The following NBN variants were observed in gnomAD, a reference collection of about 807,000 sequenced individuals.
The protein encoded by NBN is Nijmegen breakage syndrome 1 (nibrin).
In NBN, 88 loss-of-function variants were observed where a neutral mutation model predicts 90.8. That is an observed-to-expected ratio of 0.97 (90% CI 0.82 to 1.16). The LOEUF (loss-of-function observed/expected upper bound fraction) is 1.16, where lower values mean the gene tolerates loss of function less well. NBN is among the 50% of genes most tolerant of loss of function. The probability of loss-of-function intolerance (pLI) is 0.00; values close to 1 mark genes in which losing one functional copy is unlikely to be tolerated. For synonymous variants in NBN, 328 were observed against 295.1 expected (o/e 1.11, Z -1.14); for missense variants, 894 against 869.6 (o/e 1.03, Z -0.35).
intron 1 of NBN, among the ~76,000 whole-genome samples, chr8:89,983,132 T>C (rs1031240589): frequency 7.9e-5 from 12 of 152,056 alleles, no homozygotes; most frequent in Non-Finnish European, 1.8e-4. Context: ...AAAAAGGTTA[T>C]CTAAACAGAT....
At chr8:89,963,158 C>T (rs1345919158) in intron 8 of NBN, among the ~76,000 whole-genome samples, 1 of 151,432 alleles carries the variant, frequency 6.6e-6, no homozygotes, top group African/African-American at 2.4e-5. Flanking sequence ...TAACGATCTA[C>T]ATACCTAATA....
At chr8:89,968,560 T>A (rs994526518) in intron 7 of NBN, among the ~76,000 whole-genome samples, 2 of 152,178 alleles carry the variant, frequency 1.3e-5, no homozygotes, top group Non-Finnish European at 2.9e-5. Flanking sequence ...TATACATACA[T>A]AAATTCTTAG....
intron 12 of NBN, 45 bp from the exon 13 acceptor site, chr8:89,946,340 CAAAG>C (rs1563513862): frequency 4.7e-6 from 7 of 1,498,700 alleles, no homozygotes; most frequent in Non-Finnish European, 6.5e-6. Context: ...GAAGAAATAA[CAAAG>C]AAAAGTCACT....
intron 12 of NBN, 29 bp downstream of exon 12, chr8:89,947,795 T>C (rs1810262630): frequency 2.9e-6 from 4 of 1,360,618 alleles, no homozygotes; most frequent in South Asian, 1.2e-5. Flanking sequence ...AAGCCAAATC[T>C]GTATAAAAAT....
At chr8:89,937,666 C>T (rs552199247) in intron 14 of NBN, among the ~76,000 whole-genome samples, 5 of 152,326 alleles carry the variant, frequency 3.3e-5, no homozygotes, top group East Asian at 3.9e-4. Context: ...TGAAACCCTT[C>T]GTGACTTCTC....
intron 1 of NBN, 60 bp from the exon 2 acceptor site, chr8:89,982,915 A>G: frequency 6.7e-7 from 1 of 1,495,472 alleles, no homozygotes; most frequent in Non-Finnish European, 9.3e-7. Context: ...ATGTACACGA[A>G]CACACACATA....
At chr8:89,972,668 T>C (rs1196636079) in intron 5 of NBN, among the ~76,000 whole-genome samples, 2 of 152,242 alleles carry the variant, frequency 1.3e-5, no homozygotes, top group African/African-American at 2.4e-5. Flanking sequence ...CCATAACTTA[T>C]ACTTCTTTCT....
chr8:89,959,701 C>CA (rs1810903559), intron 8 of NBN, among the ~76,000 whole-genome samples: 1 of 152,202 alleles, frequency 6.6e-6, no homozygotes, highest in Non-Finnish European at 1.5e-5. Flanking sequence ...CTGCAGTGAG[C>CA]AGTGATTGTG....
intron 11 of NBN, among the ~76,000 whole-genome samples, chr8:89,950,991 CAGTAG>C (rs1262822189): frequency 2.6e-5 from 4 of 151,810 alleles, no homozygotes; most frequent in African/African-American, 9.7e-5. Context: ...GCCACCATAG[CAGTAG>C]ACTAATCTGG....
chr8:89,955,284 T>G lies in NBN; in HGVS notation c.1396A>C (p.Arg466=). The change falls in exon 10 of 16, where the codon AGG becomes CGG. Residue 466 remains arginine, a splice_region_variant and synonymous_variant. Coordinates refer to ENST00000265433, the MANE Select transcript of NBN (RefSeq NM_002485.5). ...RNYFQPSTKK[R]ERDEENQEMS... is the part of the protein sequence containing the mutation. ...TGAGAGAAGTTATCAAAAACAGACC[T>G]TTTTTTGGTAGACGGCTGAAAGTAG... The G allele has an allele frequency of 6.2e-7, 1 of 1,611,508 alleles. No homozygotes were observed. The highest frequency in any genetic ancestry group is 8.5e-7 in the Non-Finnish European group (1 of 1,178,028).
At chr8:89,943,767 T>TC (rs1188353307) in intron 13 of NBN, among the ~76,000 whole-genome samples, 1 of 152,094 alleles carries the variant, frequency 6.6e-6, no homozygotes, top group Non-Finnish European at 1.5e-5. Context: ...AAAATTTAAA[T>TC]CTTTTTCAAA....
At chr8:89,976,582 A>G (rs904885009) in intron 5 of NBN, among the ~76,000 whole-genome samples, 7 of 152,160 alleles carry the variant, frequency 4.6e-5, no homozygotes, top group Non-Finnish European at 8.8e-5. Flanking sequence ...TCTATACTGA[A>G]TAAATGACCA....
intron 11 of NBN, among the ~76,000 whole-genome samples, chr8:89,948,965 C>T (rs1257115885): frequency 6.6e-6 from 1 of 152,182 alleles, no homozygotes; most frequent in Admixed American, 6.5e-5. Context: ...CCTAGATACT[C>T]AGAATATAAG....
chr8:89,938,689 C>T (rs56172146), intron 14 of NBN, among the ~76,000 whole-genome samples: 1 of 152,156 alleles, frequency 6.6e-6, no homozygotes, highest in African/African-American at 2.4e-5. Flanking sequence ...TTCTGAATCT[C>T]TAGAGCAAGC....
At position 89,934,454 on chromosome 8, in the gene NBN, C is replaced by G; in HGVS notation, c.*1128G>C. 1 of 233,122 alleles carries G rather than the reference C, an allele frequency of 4.3e-6. No individual in the cohort carries two copies. The highest frequency in any genetic ancestry group is 6.0e-5 in the East Asian group (1 of 16,552). 14.4% of individuals were successfully genotyped at this position (233,122 alleles called of 1,614,324 possible). On this transcript the variant is annotated 3_prime_UTR_variant, in exon 16 of 16. Transcript: ENST00000265433. Reference sequence around the variant, plus strand: ...TCCCTTGCAGCTGGAGTTCCACCTGCAAGCAGCCAGAACTTGGAAGTAAGT... The same window carrying G: ...TCCCTTGCAGCTGGAGTTCCACCTGGAAGCAGCCAGAACTTGGAAGTAAGT...
At chr8:89,971,324 T>C (rs774653521) in intron 5 of NBN, 34 bp from the exon 6 acceptor site, 1 of 1,572,844 alleles carries the variant, frequency 6.4e-7, no homozygotes, top group East Asian at 2.4e-5. Flanking sequence ...TCTAATTATA[T>C]ACTACTATGT....
rs2129700125 is a variant in NBN at position 89,953,477 on chromosome 8, T to C, written c.1612A>G (p.Lys538Glu). 1 of 1,613,706 alleles carries C rather than the reference T, an allele frequency of 6.2e-7. No individual in the cohort carries two copies. The highest frequency in any genetic ancestry group is 8.5e-7 in the Non-Finnish European group (1 of 1,179,696). The change falls in exon 11 of 16, where the codon AAA becomes GAA. Residue 538 changes from lysine (K) to glutamate (E), a missense_variant. By Grantham distance (56) the Lys-to-Glu change is moderately conservative. Transcript: ENST00000265433. ...CTTAGCTTTTCTGCAGCATGAGATTTACTGGCAGAATTTTTCACAATAGAT... is the reference window on the plus strand; with the variant it reads ...CTTAGCTTTTCTGCAGCATGAGATTCACTGGCAGAATTTTTCACAATAGAT... ...LKSIVKNSAS[K>E]SHAAEKLRSN...
intron 5 of NBN, among the ~76,000 whole-genome samples, chr8:89,974,614 T>C (rs529239437): frequency 2.2e-4 from 33 of 152,210 alleles, no homozygotes; most frequent in African/African-American, 7.7e-4. Context: ...CCAAGTCCCA[T>C]AGGGAAGACG....
chr8:89,962,693 G>A (rs1183340740), intron 8 of NBN, among the ~76,000 whole-genome samples: 1 of 152,144 alleles, frequency 6.6e-6, no homozygotes, highest in Non-Finnish European at 1.5e-5. Flanking sequence ...AAGAACTTAC[G>A]ACTGTGTGTA....
Sources: allele counts gnomAD v4.1 joint callset (sites outside exome capture counted in the v4.1 genomes callset), GRCh38; gene constraint gnomAD v4.1.1; transcripts MANE v1.5; gene names NCBI Gene and HGNC (gene_info 2026-07-23, HGNC 2026-07-21).